The following ARID2 variants were observed in gnomAD, a reference collection of about 807,000 sequenced individuals.
ARID2 encodes AT-rich interaction domain 2.
Under a neutral mutation model 184.6 loss-of-function variants are expected in ARID2, and 32 were observed. That is an observed-to-expected ratio of 0.17 (90% CI 0.13 to 0.23). ARID2 has a LOEUF of 0.23. Among genes scored for constraint, ARID2 ranks in the 10% least tolerant of loss-of-function variants. ARID2 has a pLI of 1.00. For missense variants in ARID2, 1,696 were observed against 2,197.6 expected, an observed-to-expected ratio of 0.77 and a Z score of 4.56; for synonymous variants, 836 against 772.6, an observed-to-expected ratio of 1.08 and a Z score of -1.36.
rs370738802 is a variant in ARID2, at chr12:45,821,400, T to G, written c.638-20T>G. ...TTATTGCATTTTATTGAATGTACTA[T>G]TTATTTATTTGTTTTTTAGCTTTAG... On this transcript the variant is annotated intron_variant, in intron 5 of 20. Coordinates refer to ENST00000334344, the MANE Select transcript of ARID2 (RefSeq NM_152641.4). 1.6e-5 allele frequency: 23 copies of G among 1,413,456 alleles called. No individual in the cohort carries two copies. In the African/African-American group the frequency reaches 3.1e-4, roughly 19 times the overall value. 87.6% of individuals were successfully genotyped at this position (1,413,456 alleles called of 1,614,324 possible). A position where few individuals can be genotyped will look rare whatever the true frequency, so the allele number is the denominator to read the frequency against.
At chr12:45,891,723 A>G (rs1944304151) in intron 16 of ARID2, 57 bp from the exon 17 acceptor site, 4 of 1,571,472 alleles carry the variant, frequency 2.5e-6, no homozygotes, top group Non-Finnish European at 3.4e-6. Flanking sequence ...AATTTTTGAA[A>G]TAGTTTCAAA....
intron 3 of ARID2, among the ~76,000 whole-genome samples, chr12:45,802,803 TC>T (rs1002581042): frequency 6.6e-6 from 1 of 152,208 alleles, no homozygotes; most frequent in African/African-American, 2.4e-5. Flanking sequence ...TTGCTGTATG[TC>T]TAAAACCTTG....
chr12:45,784,443 G>C (rs1464998110), intron 3 of ARID2, among the ~76,000 whole-genome samples: 1 of 152,132 alleles, frequency 6.6e-6, no homozygotes, highest in African/African-American at 2.4e-5. Context: ...AAACATGTAA[G>C]ACCTATATAA....
chr12:45,890,831 T>G (rs1319608109), intron 16 of ARID2, among the ~76,000 whole-genome samples: 1 of 152,076 alleles, frequency 6.6e-6, no homozygotes, highest in African/African-American at 2.4e-5. Context: ...ATGACAGCCA[T>G]AAAAAGTCAA....
At chr12:45,800,591 T>C (rs1942478855) in intron 3 of ARID2, among the ~76,000 whole-genome samples, 1 of 152,200 alleles carries the variant, frequency 6.6e-6, no homozygotes, top group Non-Finnish European at 1.5e-5. Flanking sequence ...GATACCTCTT[T>C]AAGCATTGAG....
rs1942166446 is a variant in ARID2, at chr12:45,784,825, T to C, written c.285-26593T>C. 2.0e-5 allele frequency among the ~76,000 whole-genome samples: 3 copies of C among 152,252 alleles called. No homozygotes were observed. In the South Asian group the frequency reaches 6.2e-4, roughly 32 times the overall value. ...AAGAAAATATTATTTATATTTAAAC[T>C]CCTGCCTTTCTATAGAGAGTCAGTT... On this transcript the variant is annotated intron_variant, in intron 3 of 20. Transcript: ENST00000334344.
chr12:45,751,688 A>G (rs1173165324), intron 3 of ARID2, among the ~76,000 whole-genome samples: 1 of 152,196 alleles, frequency 6.6e-6, no homozygotes, highest in Non-Finnish European at 1.5e-5. Flanking sequence ...CCTACTACAC[A>G]CCTAAGCTAT....
intron 6 of ARID2, among the ~76,000 whole-genome samples, chr12:45,828,658 C>T (rs980395600): frequency 6.6e-6 from 1 of 152,030 alleles, no homozygotes; most frequent in Non-Finnish European, 1.5e-5. Context: ...TTAACTATTA[C>T]AGTGAGTGTG....
rs1300488526 is a variant in ARID2 at position 45,796,386 on chromosome 12, T to C, written c.285-15032T>C. On this transcript the variant is annotated intron_variant, in intron 3 of 20. Transcript: ENST00000334344. ...GTAGTTCCCTGTTGGATAGTTAGGT[T>C]GTTTTTCTTCCTTATAAGCAGTGAC... Among the ~76,000 whole-genome samples the C allele has an allele frequency of 3.9e-5, 6 of 152,192 alleles. No homozygotes were observed. The East Asian group carries it at 9.6e-4, about 24-fold the overall frequency.
chr12:45,871,502 A>G lies in ARID2; in HGVS notation c.4922+10553A>G, dbSNP rs1943925066. On this transcript the variant is annotated intron_variant, in intron 16 of 20. Coordinates refer to ENST00000334344, the MANE Select transcript of ARID2 (RefSeq NM_152641.4). Reference sequence around the variant, plus strand: ...TTCTTTTTTATGCATTGTTTGATACAATTTGCTAATATTTTTCCTGAGGAT... The same window carrying G: ...TTCTTTTTTATGCATTGTTTGATACGATTTGCTAATATTTTTCCTGAGGAT... 2.0e-5 allele frequency among the ~76,000 whole-genome samples: 3 copies of G among 152,122 alleles called. 1 individual carries two copies. The South Asian group carries it at 6.2e-4, about 31-fold the overall frequency.
chr12:45,849,474 T>A lies in ARID2; in HGVS notation c.1716-106T>A, dbSNP rs557911565. 5 of 810,818 alleles carry A rather than the reference T, an allele frequency of 6.2e-6. No individual in the cohort carries two copies. In the African/African-American group the frequency reaches 8.6e-5, roughly 14 times the overall value. 50.2% of individuals were successfully genotyped at this position (810,818 alleles called of 1,614,324 possible). On this transcript the variant is annotated intron_variant, in intron 13 of 20. Coordinates refer to ENST00000334344, the MANE Select transcript of ARID2 (RefSeq NM_152641.4). ...GAATATAACTGTGAGTCATACTGGTTCATACATAAGCAACAGTAAACATAC... is the reference window on the plus strand; with the variant it reads ...GAATATAACTGTGAGTCATACTGGTACATACATAAGCAACAGTAAACATAC...
intron 6 of ARID2, among the ~76,000 whole-genome samples, chr12:45,829,575 T>C (rs1592102822): frequency 6.6e-6 from 1 of 151,962 alleles, no homozygotes; most frequent in Non-Finnish European, 1.5e-5. Flanking sequence ...CTGAGTTTTA[T>C]AATTGTCCTT....
chr12:45,880,454 ACAATTCC>A (rs1214151327), intron 16 of ARID2, among the ~76,000 whole-genome samples: 6 of 152,216 alleles, frequency 3.9e-5, no homozygotes, highest in Admixed American at 3.9e-4. Context: ...TTATACAGTT[ACAATTCC>A]TCCTAAAGTT....
At chr12:45,740,760 A>G (rs1362828628) in intron 3 of ARID2, among the ~76,000 whole-genome samples, 1 of 152,176 alleles carries the variant, frequency 6.6e-6, no homozygotes, top group Non-Finnish European at 1.5e-5. Flanking sequence ...TGTAGTTATC[A>G]TATCTGTAGT....
chr12:45,886,711 AC>A (rs1944198821), intron 16 of ARID2, among the ~76,000 whole-genome samples: 1 of 152,158 alleles, frequency 6.6e-6, no homozygotes, highest in Non-Finnish European at 1.5e-5. Context: ...ATTTTTATGT[AC>A]CCACAGGCTC....
chr12:45,736,524 T>C (rs1941128367), intron 3 of ARID2, among the ~76,000 whole-genome samples: 1 of 152,174 alleles, frequency 6.6e-6, no homozygotes, highest in Non-Finnish European at 1.5e-5. Context: ...TTTAATTATA[T>C]TGTGAAGGTG....
At chr12:45,836,523 G>T in intron 6 of ARID2, 66 bp from the exon 7 acceptor site, 1 of 1,443,346 alleles carries the variant, frequency 6.9e-7, no homozygotes, top group South Asian at 1.4e-5. Context: ...GCCTGTGTGT[G>T]ACTATTTCTA....
At chr12:45,731,661 T>C (rs1467707679) in intron 3 of ARID2, among the ~76,000 whole-genome samples, 1 of 152,170 alleles carries the variant, frequency 6.6e-6, no homozygotes, top group Non-Finnish European at 1.5e-5. Context: ...AATGAAACTT[T>C]GTAACCTTTG....
chr12:45,819,747 G>GTT (rs199943110), intron 5 of ARID2, among the ~76,000 whole-genome samples: 1 of 143,478 alleles, frequency 7.0e-6, no homozygotes. Context: ...GTTTTTTTGG[G>GTT]TTTTTTTTTT....
Sources: allele counts gnomAD v4.1 joint callset (sites outside exome capture counted in the v4.1 genomes callset), GRCh38; gene constraint gnomAD v4.1.1; transcripts MANE v1.5; gene names NCBI Gene and HGNC (gene_info 2026-07-23, HGNC 2026-07-21).